GHR: variants seen among roughly 807,000 people sequenced by gnomAD.
GHR encodes growth hormone receptor.
A neutral mutation model predicts 67.1 loss-of-function variants in GHR; 35 were observed. The observed-to-expected ratio is 0.52, with a 90% CI of 0.40 to 0.69. The LOEUF (loss-of-function observed/expected upper bound fraction) is 0.69, where lower values mean the gene tolerates loss of function less well. GHR is among the 30% of genes least tolerant of loss of function. The pLI, the probability that GHR is intolerant of heterozygous loss-of-function variation, is 0.00. For synonymous variants in GHR, 272 were observed against 269.1 expected (o/e 1.01, Z -0.10); for missense variants, 792 against 764.6 (o/e 1.04, Z -0.42).
chr5:42,549,792 G>C (rs1329175040), intron 1 of GHR: 22 of 329,652 alleles, frequency 6.7e-5, no homozygotes, highest in African/African-American at 1.6e-4. Flanking sequence ...GGCAGTTTAA[G>C]AAAATCACTG....
At chr5:42,624,248 C>T (rs1000941872) in intron 2 of GHR, among the ~76,000 whole-genome samples, 2 of 152,114 alleles carry the variant, frequency 1.3e-5, no homozygotes, top group Admixed American at 6.5e-5. Context: ...TCAAGGCTGG[C>T]CAGGGCTCCC....
chr5:42,520,797 G>A (rs919138106), intron 1 of GHR, among the ~76,000 whole-genome samples: 1 of 151,980 alleles, frequency 6.6e-6, no homozygotes, highest in Non-Finnish European at 1.5e-5. Context: ...CCCCTTGCCC[G>A]GAATGCTTCA....
At chr5:42,559,506 A>G (rs756815640) in intron 1 of GHR, among the ~76,000 whole-genome samples, 16 of 152,210 alleles carry the variant, frequency 1.1e-4, no homozygotes, top group Non-Finnish European at 1.6e-4. Context: ...TGATTATGCC[A>G]CTGCACTCCC....
intron 1 of GHR, among the ~76,000 whole-genome samples, chr5:42,476,626 T>C (rs1319023962): frequency 6.6e-6 from 1 of 152,206 alleles, no homozygotes; most frequent in Non-Finnish European, 1.5e-5. Flanking sequence ...TGTTGGAAAA[T>C]GATTCTCCTT....
chr5:42,555,725 T>A (rs921299226), intron 1 of GHR, among the ~76,000 whole-genome samples: 1 of 152,148 alleles, frequency 6.6e-6, no homozygotes, highest in Non-Finnish European at 1.5e-5. Context: ...GTAGTGAACA[T>A]CTACTCTGTG....
intron 1 of GHR, 125 bp from the exon 2 acceptor site, chr5:42,565,739 A>T (rs977782044): frequency 6.3e-7 from 1 of 1,577,456 alleles, no homozygotes; most frequent in African/African-American, 1.3e-5. Context: ...TGAAAGACTT[A>T]CCAGGATTCC....
chr5:42,561,083 C>T (rs1052935218), intron 1 of GHR, among the ~76,000 whole-genome samples: 11 of 152,304 alleles, frequency 7.2e-5, no homozygotes, highest in Admixed American at 5.2e-4. Context: ...AGAATATTGT[C>T]CAAAACATAC....
chr5:42,649,476 G>C (rs150466535), intron 3 of GHR, among the ~76,000 whole-genome samples: 2,340 of 152,178 alleles, frequency 0.015, 20 homozygotes, highest in Middle Eastern at 0.041. Flanking sequence ...ATAAACTGAA[G>C]ATAAATATTA....
chr5:42,501,404 TATTA>T (rs949086400), intron 1 of GHR, among the ~76,000 whole-genome samples: 1 of 152,126 alleles, frequency 6.6e-6, no homozygotes, highest in African/African-American at 2.4e-5. Flanking sequence ...CCCTAAATGA[TATTA>T]AGAGTGTCTA....
intron 3 of GHR, among the ~76,000 whole-genome samples, chr5:42,666,484 G>A (rs1411722199): frequency 6.6e-6 from 1 of 152,036 alleles, no homozygotes; most frequent in Non-Finnish European, 1.5e-5. Context: ...GTGAAATATA[G>A]CCCTATCAAA....
rs1048980475 is a variant in GHR at position 42,423,603 on chromosome 5, A to C, written c.-364A>C. ...CGCTTCTGCAACCTGGATCTGGGGG[A>C]CTGCGGGCCAGGCGCGGCGTGACCC... On this transcript the variant is annotated 5_prime_UTR_variant, in exon 1 of 10. Coordinates refer to ENST00000230882, the MANE Select transcript of GHR (RefSeq NM_000163.5). Among the ~76,000 whole-genome samples, 2 of 151,928 alleles carry C rather than the reference A, an allele frequency of 1.3e-5. No individual in the cohort carries two copies. Among genetic ancestry groups the C allele is most frequent in the Non-Finnish European group, 1.5e-5 (1 of 67,980 alleles).
chr5:42,509,453 A>C (rs1746919516), intron 1 of GHR, among the ~76,000 whole-genome samples: 1 of 152,174 alleles, frequency 6.6e-6, no homozygotes, highest in Admixed American at 6.5e-5. Flanking sequence ...CAAAAAGCCC[A>C]GAAGTAATCA....
Position 42,424,541 on chromosome 5 carries a change from T to C in GHR, c.-12+586T>C, listed in dbSNP as rs1175559551. 2 of 1,524,342 alleles carry C rather than the reference T, an allele frequency of 1.3e-6. No homozygotes were observed. The highest frequency in any genetic ancestry group is 8.8e-7 in the Non-Finnish European group (1 of 1,137,042). 94.4% of individuals were successfully genotyped at this position (1,524,342 alleles called of 1,614,324 possible). ...CGTTTGTGCGGGCCGCAGCCGCACGTTGGCACCGATGGAACTGGGGTCAGT... is the reference window on the plus strand; with the variant it reads ...CGTTTGTGCGGGCCGCAGCCGCACGCTGGCACCGATGGAACTGGGGTCAGT... On this transcript the variant is annotated intron_variant, in intron 1 of 9. Coordinates refer to ENST00000230882, the MANE Select transcript of GHR (RefSeq NM_000163.5). This position sits in a 1 kb window ranked among gnomAD's most constrained non-coding sequence, Gnocchi z 4.1.
At chr5:42,556,726 G>A (rs1235845099) in intron 1 of GHR, among the ~76,000 whole-genome samples, 3 of 152,168 alleles carry the variant, frequency 2.0e-5, no homozygotes, top group Admixed American at 6.6e-5. Context: ...AGTGAATCAA[G>A]CTTAGTGAGT....
At chr5:42,504,253 C>G (rs1220911841) in intron 1 of GHR, among the ~76,000 whole-genome samples, 1 of 152,090 alleles carries the variant, frequency 6.6e-6, no homozygotes, top group East Asian at 1.9e-4. Flanking sequence ...ACTATAGGCC[C>G]TAGTTCAGTT....
At chr5:42,478,058 G>C (rs11743641) in intron 1 of GHR, among the ~76,000 whole-genome samples, 10,233 of 152,022 alleles carry the variant, frequency 0.067, 419 homozygotes, top group African/African-American at 0.097. Context: ...ATTAATTTTT[G>C]TATAAGGTGT....
chr5:42,514,282 A>G (rs1266312666), intron 1 of GHR: 1 of 984,264 alleles, frequency 1.0e-6, no homozygotes, highest in Non-Finnish European at 1.2e-6. Flanking sequence ...TTGGATTGGC[A>G]GACCCAGGGA....
chr5:42,680,751 C>T (rs546583645), intron 3 of GHR, among the ~76,000 whole-genome samples: 9 of 152,160 alleles, frequency 5.9e-5, no homozygotes, highest in Non-Finnish European at 1.2e-4. Flanking sequence ...GTAATCCACC[C>T]GCCTCAGCCT....
chr5:42,674,614 T>C (rs1444869433), intron 3 of GHR, among the ~76,000 whole-genome samples: 1 of 152,218 alleles, frequency 6.6e-6, no homozygotes, highest in Non-Finnish European at 1.5e-5. Flanking sequence ...ATATGTGGCC[T>C]TTTATGTCTG....
Sources: gnomAD v4.1 joint callset for allele counts (sites outside exome capture counted in the v4.1 genomes callset) on GRCh38, gnomAD v4.1.1 for gene constraint, Gnocchi (gnomAD v3.1) non-coding constraint, MANE v1.5 for transcripts, NCBI Gene and HGNC (gene_info 2026-07-23, HGNC 2026-07-21) for gene names.